MAPRE1: variants seen among roughly 807,000 people sequenced by gnomAD.
The protein encoded by MAPRE1 is microtubule associated protein RP/EB family member 1, also known as microtubule-associated protein RP/EB family member 1.
In MAPRE1, 5 loss-of-function variants were observed where a neutral mutation model predicts 32.1. The observed-to-expected ratio is 0.16, with a 90% CI of 0.08 to 0.33. MAPRE1 has a LOEUF of 0.33. Among genes scored for constraint, MAPRE1 ranks in the 10% least tolerant of loss-of-function variants. MAPRE1 has a pLI of 1.00. For missense variants in MAPRE1, 209 were observed against 327.2 expected (o/e 0.64, Z 2.79); for synonymous variants, 122 against 118.9 (o/e 1.03, Z -0.17).
At chr20:32,829,476 G>A (rs1982959257) in intron 2 of MAPRE1, among the ~76,000 whole-genome samples, 1 of 152,160 alleles carries the variant, frequency 6.6e-6, no homozygotes, top group African/African-American at 2.4e-5. Flanking sequence ...TCTGAAGAAG[G>A]CCCGCTGCCA....
At chr20:32,820,698 A>G (rs1265217306) in intron 1 of MAPRE1, among the ~76,000 whole-genome samples, 1 of 152,158 alleles carries the variant, frequency 6.6e-6, no homozygotes. Context: ...GCTCTCCAGG[A>G]ATCCACATTA....
chr20:32,834,006 G>C (rs1983113279), intron 3 of MAPRE1, 144 bp downstream of exon 3: 5 of 764,200 alleles, frequency 6.5e-6, no homozygotes, highest in Middle Eastern at 3.3e-4. Context: ...AGAATTTACT[G>C]GGAGCAGTTT....
At chr20:32,837,542 C>T (rs578118630) in intron 4 of MAPRE1, among the ~76,000 whole-genome samples, 154 of 152,222 alleles carry the variant, frequency 1.0e-3, no homozygotes, top group South Asian at 1.4e-3. Flanking sequence ...TCTACAGATG[C>T]TAATTTCTTC....
At chr20:32,845,010 TGTATGTATGTATG>T (rs1983466509) in intron 5 of MAPRE1, among the ~76,000 whole-genome samples, 1 of 134,764 alleles carries the variant, frequency 7.4e-6, no homozygotes, top group Admixed American at 6.9e-5. Flanking sequence ...TATGTATGTA[TGTATGTATGTATG>T]TATGTATGTA....
chr20:32,844,621 C>T (rs369761838), intron 5 of MAPRE1, among the ~76,000 whole-genome samples: 3 of 151,890 alleles, frequency 2.0e-5, no homozygotes, highest in African/African-American at 7.2e-5. Context: ...ACCATGTTGG[C>T]CAGGATGGTC....
chr20:32,820,996 A>G (rs1982682079), intron 1 of MAPRE1, among the ~76,000 whole-genome samples: 1 of 149,128 alleles, frequency 6.7e-6, no homozygotes, highest in South Asian at 2.1e-4. Context: ...TAATACTAAC[A>G]CTGTCTTTAA....
At chr20:32,822,949 C>T (rs1233725299) in intron 1 of MAPRE1, among the ~76,000 whole-genome samples, 1 of 152,214 alleles carries the variant, frequency 6.6e-6, no homozygotes, top group Non-Finnish European at 1.5e-5. Context: ...TGGTGTCTTG[C>T]ATAACATGGT....
intron 2 of MAPRE1, among the ~76,000 whole-genome samples, chr20:32,828,542 T>C (rs1439751032): frequency 6.6e-6 from 1 of 152,224 alleles, no homozygotes; most frequent in East Asian, 1.9e-4. Context: ...CATGTGACTT[T>C]TGACAAGACC....
At position 32,841,465 on chromosome 20, in the gene MAPRE1, T is replaced by A. The variant is rs570528573; in HGVS notation, c.597+1609T>A. Among the ~76,000 whole-genome samples the A allele has an allele frequency of 1.3e-4, 20 of 151,824 alleles. No homozygotes were observed. The East Asian group carries it at 1.5e-3, about 12-fold the overall frequency. ...TCTCTGCTCAGCTCTTTTTTTTTTTTAATTATTATTATTATTATACTTTAA... is the reference window on the plus strand; with the variant it reads ...TCTCTGCTCAGCTCTTTTTTTTTTTAAATTATTATTATTATTATACTTTAA... On this transcript the variant is annotated intron_variant, in intron 5 of 6. Coordinates refer to ENST00000375571, the MANE Select transcript of MAPRE1 (RefSeq NM_012325.3).
In MAPRE1 at chr20:32,836,848, A is replaced by G. The variant is rs751784088; in HGVS notation, c.475+7A>G. Reference sequence around the variant, plus strand: ...CTCACTTCTAGCAGTGCAGGTAAAAAAACAACCCCAAAACGTTTCCAAAAA... The same window carrying G: ...CTCACTTCTAGCAGTGCAGGTAAAAGAACAACCCCAAAACGTTTCCAAAAA... On this transcript the variant is annotated splice_region_variant and intron_variant, in intron 4 of 6. Transcript: ENST00000375571. 1.9e-6 allele frequency: 3 copies of G among 1,585,622 alleles called. No homozygotes were observed. In the East Asian group the frequency reaches 6.7e-5, roughly 35 times the overall value.
At chr20:32,827,884 G>A (rs1356257859) in intron 2 of MAPRE1, among the ~76,000 whole-genome samples, 10 of 145,034 alleles carry the variant, frequency 6.9e-5, no homozygotes, top group Non-Finnish European at 1.5e-4. Flanking sequence ...GACAGAGCGA[G>A]GCTCTGTCTC....
At position 32,849,367 on chromosome 20, in the gene MAPRE1, TAAAA is replaced by T. The variant is rs1568885223; in HGVS notation, c.*641_*644del. 1 of 152,226 alleles carries T rather than the reference TAAAA, an allele frequency of 6.6e-6. No individual in the cohort carries two copies. The highest frequency in any genetic ancestry group is 2.1e-4 in the South Asian group (1 of 4,834). The allele number at this position is 152,226 out of a possible 1,614,324, so 9.4% of individuals were successfully genotyped here. A position where few individuals can be genotyped will look rare whatever the true frequency, so the allele number is the denominator to read the frequency against. ...TGTCATTGACCAATTGCATCCCAGC[TAAAA>T]AGCAAGAGGCATCGTTGCCTGGATA... On this transcript the variant is annotated 3_prime_UTR_variant, in exon 7 of 7. Transcript: ENST00000375571.
At chr20:32,846,833 G>T (rs1248600278) in intron 6 of MAPRE1, 63 bp downstream of exon 6, 1 of 1,535,080 alleles carries the variant, frequency 6.5e-7, no homozygotes, top group African/African-American at 1.4e-5. Context: ...TGAACTCTGT[G>T]CTGATGCTTG....
At chr20:32,840,945 A>G (rs2146135965) in intron 5 of MAPRE1, among the ~76,000 whole-genome samples, 1 of 151,736 alleles carries the variant, frequency 6.6e-6, no homozygotes, top group East Asian at 2.0e-4. Flanking sequence ...CCTCCCGAGT[A>G]GCTGGGACTA....
intron 5 of MAPRE1, among the ~76,000 whole-genome samples, chr20:32,845,870 G>A (rs6119990): frequency 1.2e-3 from 188 of 152,230 alleles, no homozygotes; most frequent in Non-Finnish European, 2.3e-3. Context: ...TGCCGAGGTC[G>A]TTCTCAGTGG....
Position 32,824,759 on chromosome 20 carries a change from C to T in MAPRE1, c.-3-1166C>T, listed in dbSNP as rs1982795434. On this transcript the variant is annotated intron_variant, in intron 1 of 6. Transcript: ENST00000375571. ...AGGCGCTCCTCCCACGTCAGCCTCCCAAAGTGCTGGTATTACAGGCATGTG... is the reference window on the plus strand; with the variant it reads ...AGGCGCTCCTCCCACGTCAGCCTCCTAAAGTGCTGGTATTACAGGCATGTG... 3.3e-5 allele frequency among the ~76,000 whole-genome samples: 5 copies of T among 152,072 alleles called. No individual in the cohort carries two copies. In the South Asian group the frequency reaches 1.0e-3, roughly 32 times the overall value.
rs1056442524 is a variant in MAPRE1 at position 32,849,330 on chromosome 20, A to G, written c.*602A>G. On this transcript the variant is annotated 3_prime_UTR_variant, in exon 7 of 7. Coordinates refer to ENST00000375571, the MANE Select transcript of MAPRE1 (RefSeq NM_012325.3). The stretch of plus-strand genomic sequence containing the variant: ...AGGAACATTTAAAAAGTTGCCCTGT[A>G]AAGTTATTTGGTGTCATTGACCAAT... The G allele has an allele frequency of 1.3e-5, 2 of 152,236 alleles. No individual in the cohort carries two copies. The highest frequency in any genetic ancestry group is 2.4e-5 in the African/African-American group (1 of 41,450). 9.4% of individuals were successfully genotyped at this position (152,236 alleles called of 1,614,324 possible). A position where few individuals can be genotyped will look rare whatever the true frequency, so the allele number is the denominator to read the frequency against.
intron 6 of MAPRE1, 101 bp from the exon 7 acceptor site, chr20:32,848,571 G>A: frequency 1.2e-6 from 1 of 850,884 alleles, no homozygotes. Context: ...TATAGAGCCA[G>A]GAAGAACCAT....
rs758889318 is a variant in MAPRE1, at chr20:32,836,712, G to A, written c.346G>A (p.Asp116Asn). ...CGTTCAGTGGTTCAAGAAGTTTTTCGATGCAAACTATGATGGAAAAGACTA... is the reference window on the plus strand; with the variant it reads ...CGTTCAGTGGTTCAAGAAGTTTTTCAATGCAAACTATGATGGAAAAGACTA... ...EFVQWFKKFF[D>N]ANYDGKDYDP... The change falls in exon 4 of 7, where the codon GAT (aspartate) becomes AAT (asparagine). Residue 116 changes from aspartate (D) to asparagine (N), a missense_variant. Transcript: ENST00000375571. 1.9e-6 allele frequency: 3 copies of A among 1,613,478 alleles called. No individual in the cohort carries two copies. Among genetic ancestry groups the A allele is most frequent in the Non-Finnish European group, 2.5e-6 (3 of 1,179,640 alleles).
Sources: gnomAD v4.1 joint callset for allele counts (sites outside exome capture counted in the v4.1 genomes callset) on GRCh38, gnomAD v4.1.1 for gene constraint, MANE v1.5 for transcripts, NCBI Gene and HGNC (gene_info 2026-07-23, HGNC 2026-07-21) for gene names.